The following ANKRD53 variants were observed in gnomAD, a reference collection of about 807,000 sequenced individuals.
The protein encoded by ANKRD53 is ankyrin repeat domain-containing protein 53.
In ANKRD53, 27 loss-of-function variants were observed where a neutral mutation model predicts 30.1. That is an observed-to-expected ratio of 0.90 (90% CI 0.66 to 1.24). The LOEUF (loss-of-function observed/expected upper bound fraction) is 1.24, where lower values mean the gene tolerates loss of function less well. Ranked by LOEUF, ANKRD53 falls within the 50% of genes most tolerant of loss-of-function variation. ANKRD53 has a pLI of 0.00. For missense variants in ANKRD53, 682 were observed against 721.0 expected, an observed-to-expected ratio of 0.95 and a Z score of 0.62; for synonymous variants, 286 against 295.4, an observed-to-expected ratio of 0.97 and a Z score of 0.33.
intron 5 of ANKRD53, chr2:70,984,393 G>C: frequency 6.4e-7 from 1 of 1,561,086 alleles, no homozygotes; most frequent in South Asian, 1.2e-5. Context: ...CTCAGCCCAG[G>C]GGCTCCCTTA....
In ANKRD53 at chr2:70,978,860, C is replaced by A. The variant is rs566498186; in HGVS notation, c.170+45C>A. On this transcript the variant is annotated intron_variant, in intron 1 of 5. Transcript: ENST00000360589. The surrounding 1 kb of genome is among the most constrained non-coding windows in gnomAD (Gnocchi z 4.3). ...GTCCCGGCTGCAGGGAGCGAGAACC[C>A]GGCCCAGCGCCTCCCTGGTGGGCAG... 1 of 1,529,840 alleles carries A rather than the reference C, an allele frequency of 6.5e-7. No homozygotes were observed. Among genetic ancestry groups the A allele is most frequent in the South Asian group, 1.2e-5 (1 of 81,810 alleles). 94.8% of individuals were successfully genotyped at this position (1,529,840 alleles called of 1,614,324 possible). A position where few individuals can be genotyped will look rare whatever the true frequency, so the allele number is the denominator to read the frequency against.
In ANKRD53 at chr2:70,983,363, C is replaced by G. The variant is rs182542397; in HGVS notation, c.903+666C>G. Among the ~76,000 whole-genome samples, 303 of 152,330 alleles carry G rather than the reference C, an allele frequency of 2.0e-3. 1 individual carries two copies. Among genetic ancestry groups the G allele is most frequent in the Non-Finnish European group, 3.4e-3 (232 of 68,036 alleles). ...GTATGCAGAGAATGAAAACTCAGAG[C>G]AGCTGGGGATCAGATGTAAGTTGGA... is the stretch of plus-strand genomic sequence containing the variant. On this transcript the variant is annotated intron_variant, in intron 5 of 5. Transcript: ENST00000360589.
At position 70,985,382 on chromosome 2, in the gene ANKRD53, G is replaced by T; in HGVS notation, c.*82G>T. 7.4e-7 allele frequency: 1 copy of T among 1,342,624 alleles called. No homozygotes were observed. Among genetic ancestry groups the T allele is most frequent in the Non-Finnish European group, 1.0e-6 (1 of 984,372 alleles). 83.2% of individuals were successfully genotyped at this position (1,342,624 alleles called of 1,614,324 possible). A position where few individuals can be genotyped will look rare whatever the true frequency, so the allele number is the denominator to read the frequency against. On this transcript the variant is annotated 3_prime_UTR_variant, in exon 6 of 6. Transcript: ENST00000360589. Reference sequence around the variant, plus strand: ...ATTCACGTTGTGGGTGGCGAGGAAAGGGGGAGGGGTGCCTATGGGCTTCCC... The same window carrying T: ...ATTCACGTTGTGGGTGGCGAGGAAATGGGGAGGGGTGCCTATGGGCTTCCC...
In ANKRD53 at chr2:70,984,790, G is replaced by T. The variant is rs1342639945; in HGVS notation, c.1083G>T (p.Leu361=). Reference sequence around the variant, plus strand: ...TCCACCCCTCTGTGGATGCACGCCTGCAATGCATTCCACAGCCCACGGAGA... The same window carrying T: ...TCCACCCCTCTGTGGATGCACGCCTTCAATGCATTCCACAGCCCACGGAGA... ...RSFHPSVDAR[L]QCIPQPTEMP... Residue 361 remains leucine (L), a synonymous_variant, in exon 6 of 6, where the codon CTG becomes CTT. Coordinates refer to ENST00000360589, the MANE Select transcript of ANKRD53 (RefSeq NM_001115116.2). 1 of 1,558,798 alleles carries T rather than the reference G, an allele frequency of 6.4e-7. No individual in the cohort carries two copies.
chr2:70,980,218 G>A (rs1221084319), intron 3 of ANKRD53, among the ~76,000 whole-genome samples: 1 of 152,124 alleles, frequency 6.6e-6, no homozygotes, highest in African/African-American at 2.4e-5. Flanking sequence ...GGGAGGCTGA[G>A]GCAGGAGAAT....
chr2:70,979,495 G>A, intron 2 of ANKRD53, 152 bp downstream of exon 2: 1 of 1,450,972 alleles, frequency 6.9e-7, no homozygotes, highest in South Asian at 1.4e-5. Flanking sequence ...GGGGCAGGGA[G>A]GTTGGGTGGG....
At chr2:70,980,508 G>C (rs1669975904) in intron 3 of ANKRD53, among the ~76,000 whole-genome samples, 1 of 151,964 alleles carries the variant, frequency 6.6e-6, no homozygotes, top group African/African-American at 2.4e-5. Flanking sequence ...CTGGCCGGGT[G>C]GCATGGTGGC....
At chr2:70,981,750 C>G (rs1335455336) in intron 3 of ANKRD53, among the ~76,000 whole-genome samples, 186 bp from the exon 4 acceptor site, 2 of 152,176 alleles carry the variant, frequency 1.3e-5, no homozygotes, top group Non-Finnish European at 2.9e-5. Context: ...TTACTGTTCA[C>G]TTAGTCCAAT....
chr2:70,979,232 C>T lies in ANKRD53; in HGVS notation c.306C>T (p.Asp102=), dbSNP rs782388753. The T allele has an allele frequency of 6.2e-7, 1 of 1,613,530 alleles. No homozygotes were observed. The highest frequency in any genetic ancestry group is 1.1e-5 in the South Asian group (1 of 91,088). The change falls in exon 2 of 6, where the codon GAC becomes GAT. Residue 102 remains aspartate, a synonymous_variant. Transcript: ENST00000360589. ...PSKESDQTAI[D]QTAIGSYYQL... The stretch of plus-strand genomic sequence containing the variant: ...AGGAGTCCGACCAGACGGCAATCGA[C>T]CAGACGGCGATCGGGAGCTACTACC...
At position 70,979,152 on chromosome 2, in the gene ANKRD53, A is replaced by T; in HGVS notation, c.226A>T (p.Arg76Trp). 6.2e-7 allele frequency: 1 copy of T among 1,606,600 alleles called. No individual in the cohort carries two copies. Among genetic ancestry groups the T allele is most frequent in the South Asian group, 1.1e-5 (1 of 90,866 alleles). The change falls in exon 2 of 6, where the codon AGG (arginine) becomes TGG (tryptophan). Residue 76 changes from arginine (R) to tryptophan (W), a missense_variant. Coordinates refer to ENST00000360589, the MANE Select transcript of ANKRD53 (RefSeq NM_001115116.2). ...HLSAQATALA[R>W]PRRPASLTPP... is the part of the protein sequence containing the mutation. ...CAGTGCGCAGGCGACTGCCCTCGCC[A>T]GGCCGCGCCGCCCTGCCTCGCTCAC...
chr2:70,984,288 T>A, intron 5 of ANKRD53: 2 of 1,613,912 alleles, frequency 1.2e-6, no homozygotes, highest in Middle Eastern at 1.6e-4. Flanking sequence ...GGACTGTGTC[T>A]CCCATGTCAA....
At chr2:70,981,004 T>C (rs72898001) in intron 3 of ANKRD53, among the ~76,000 whole-genome samples, 3,383 of 152,296 alleles carry the variant, frequency 0.022, 88 homozygotes, top group African/African-American at 0.059. Flanking sequence ...TGTGATTTAA[T>C]GGGTCTGTGG....
chr2:70,984,626 C>G lies in ANKRD53; in HGVS notation c.919C>G (p.Leu307Val). The change falls in exon 6 of 6, where the codon CTC becomes GTC. Residue 307 changes from leucine (L) to valine (V), a missense_variant. Leu to Val is a conservative substitution (Grantham distance 32, BLOSUM62 1). Transcript: ENST00000360589. ...LIEYQKEHKI[L>V]REAAIRKWLH... ...GTTGTTGCAGAAAGAGCACAAAATTCTCAGAGAAGCTGCTATCAGAAAGTG... is the reference window on the plus strand; with the variant it reads ...GTTGTTGCAGAAAGAGCACAAAATTGTCAGAGAAGCTGCTATCAGAAAGTG... The G allele has an allele frequency of 6.2e-7, 1 of 1,613,988 alleles. No homozygotes were observed. Among genetic ancestry groups the G allele is most frequent in the Non-Finnish European group, 8.5e-7 (1 of 1,179,906 alleles).
In ANKRD53 at chr2:70,982,094, G is replaced by C; in HGVS notation, c.776G>C (p.Cys259Ser). 1 of 1,604,522 alleles carries C rather than the reference G, an allele frequency of 6.2e-7. No homozygotes were observed. The highest frequency in any genetic ancestry group is 8.5e-7 in the Non-Finnish European group (1 of 1,174,860). ...TGCAAAATATGGAACCACCGTGCCT[G>C]TGCCCGGTGAGAGTGTGAGAACCAC... Reference protein sequence around the residue: ...DFCKIWNHRACARFLKDAMWK... With the variant: ...DFCKIWNHRASARFLKDAMWK... The change falls in exon 4 of 6, where the codon TGT becomes TCT. Residue 259 changes from cysteine (C) to serine (S), a missense_variant. Physicochemically the swap from Cys to Ser is moderately radical, Grantham distance 112. Transcript: ENST00000360589. The surrounding 1 kb of genome is among the most constrained non-coding windows in gnomAD (Gnocchi z 4.2).
In ANKRD53 at chr2:70,978,917, C is replaced by A; in HGVS notation, c.170+102C>A. ...GAGCGGGCGGGGGCGGAGGCTGCGG[C>A]CCGAGAAGCCAGCAGAGACAGGCTG... On this transcript the variant is annotated intron_variant, in intron 1 of 5. Coordinates refer to ENST00000360589, the MANE Select transcript of ANKRD53 (RefSeq NM_001115116.2). The surrounding 1 kb of genome is among the most constrained non-coding windows in gnomAD (Gnocchi z 4.3). 6.9e-7 allele frequency: 1 copy of A among 1,452,844 alleles called. No homozygotes were observed. Among genetic ancestry groups the A allele is most frequent in the Non-Finnish European group, 9.1e-7 (1 of 1,099,224 alleles). The allele number at this position is 1,452,844 out of a possible 1,614,324, so 90.0% of individuals were successfully genotyped here. A position where few individuals can be genotyped will look rare whatever the true frequency, so the allele number is the denominator to read the frequency against.
At chr2:70,983,567 G>A (rs1483218861) in intron 5 of ANKRD53, among the ~76,000 whole-genome samples, 1 of 152,160 alleles carries the variant, frequency 6.6e-6, no homozygotes, top group Non-Finnish European at 1.5e-5. Context: ...CGGCACACCG[G>A]GTCTGTTTCA....
chr2:70,981,732 T>C, intron 3 of ANKRD53, among the ~76,000 whole-genome samples: 1 of 152,168 alleles, frequency 6.6e-6, no homozygotes, highest in Non-Finnish European at 1.5e-5. Context: ...CCTTCTAAAG[T>C]CAGATTTTTA....
At chr2:70,983,925 G>A (rs1670088592) in intron 5 of ANKRD53, among the ~76,000 whole-genome samples, 2 of 152,186 alleles carry the variant, frequency 1.3e-5, no homozygotes, top group Non-Finnish European at 2.9e-5. Flanking sequence ...GGGATAGTGA[G>A]ACAATGGCGG....
intron 3 of ANKRD53, among the ~76,000 whole-genome samples, chr2:70,981,102 A>G (rs543041194): frequency 8.5e-5 from 13 of 152,364 alleles, no homozygotes; most frequent in African/African-American, 2.6e-4. Flanking sequence ...AGTGTCTTCA[A>G]CTGAAACTTG....
Sources: allele counts gnomAD v4.1 joint callset (sites outside exome capture counted in the v4.1 genomes callset), GRCh38; gene constraint gnomAD v4.1.1; non-coding constraint Gnocchi (gnomAD v3.1); transcripts MANE v1.5; gene names NCBI Gene and HGNC (gene_info 2026-07-23, HGNC 2026-07-21).